The following ZNF804B variants were observed in gnomAD, a reference collection of about 807,000 sequenced individuals.
ZNF804B encodes zinc finger 804B.
A neutral mutation model predicts 101.4 loss-of-function variants in ZNF804B; 80 were observed. That is an observed-to-expected ratio of 0.79 (90% CI 0.66 to 0.95). The LOEUF is 0.95. ZNF804B is among the 40% of genes least tolerant of loss of function. The pLI is 0.00. For synonymous variants in ZNF804B, 622 were observed against 558.8 expected, an observed-to-expected ratio of 1.11 and a Z score of -1.59; for missense variants, 1,673 against 1,561.9, an observed-to-expected ratio of 1.07 and a Z score of -1.20.
intron 1 of ZNF804B, among the ~76,000 whole-genome samples, chr7:89,196,300 A>C (rs964129914): frequency 7.9e-5 from 12 of 151,860 alleles, no homozygotes; most frequent in African/African-American, 2.9e-4. Flanking sequence ...AATGGAACAG[A>C]ATAGAGAATT....
At chr7:88,962,708 C>CATAT (rs71120046) in intron 1 of ZNF804B, among the ~76,000 whole-genome samples, 8,297 of 82,754 alleles carry the variant, frequency 0.1, 465 homozygotes, top group Non-Finnish European at 0.12. Context: ...GTTAAACTCA[C>CATAT]ATATATATAT....
chr7:89,213,254 T>A (rs1467965874), intron 1 of ZNF804B, among the ~76,000 whole-genome samples: 6 of 152,158 alleles, frequency 3.9e-5, no homozygotes, highest in African/African-American at 1.4e-4. Flanking sequence ...AGCCACTTGA[T>A]TGGAAGAGGG....
Position 89,176,812 on chromosome 7 carries a change from A to G in ZNF804B, c.109-41343A>G, listed in dbSNP as rs139127840. 4.6e-5 allele frequency among the ~76,000 whole-genome samples: 7 copies of G among 151,398 alleles called. 1 individual carries two copies. The East Asian group carries it at 1.4e-3, about 29-fold the overall frequency. On this transcript the variant is annotated intron_variant, in intron 1 of 3. Coordinates refer to ENST00000333190, the MANE Select transcript of ZNF804B (RefSeq NM_181646.5). Reference sequence around the variant, plus strand: ...GACTTTTTATTACAGCCTTGATCTCATTATTTGTTATTCATCTTCTCAGGT... The same window carrying G: ...GACTTTTTATTACAGCCTTGATCTCGTTATTTGTTATTCATCTTCTCAGGT...
intron 2 of ZNF804B, among the ~76,000 whole-genome samples, chr7:89,221,938 T>A (rs1053489699): frequency 4.6e-5 from 7 of 151,920 alleles, no homozygotes; most frequent in Non-Finnish European, 8.8e-5. Context: ...GTAATCTAAA[T>A]GAGGAGAAGA....
chr7:89,194,912 C>T (rs1040036546), intron 1 of ZNF804B, among the ~76,000 whole-genome samples: 5 of 152,192 alleles, frequency 3.3e-5, no homozygotes, highest in Admixed American at 2.0e-4. Flanking sequence ...GCAGTATGGC[C>T]ATTTTCATGA....
intron 1 of ZNF804B, among the ~76,000 whole-genome samples, chr7:88,870,079 G>C (rs1406588344): frequency 6.6e-6 from 1 of 152,138 alleles, no homozygotes; most frequent in Non-Finnish European, 1.5e-5. Context: ...GCTGCCAACT[G>C]TCACCATTAG....
At chr7:89,161,016 T>C (rs1242409038) in intron 1 of ZNF804B, among the ~76,000 whole-genome samples, 2 of 152,112 alleles carry the variant, frequency 1.3e-5, no homozygotes. Context: ...GCTGAACATT[T>C]TCCCAGGACA....
chr7:88,962,708 C>CATATATATATAT (rs71120046), intron 1 of ZNF804B, among the ~76,000 whole-genome samples: 83 of 84,146 alleles, frequency 9.9e-4, no homozygotes, highest in South Asian at 2.4e-3. Flanking sequence ...GTTAAACTCA[C>CATATATATATAT]ATATATATAT....
rs1791095233 is a variant in ZNF804B, at chr7:89,336,542, C to A, written c.3560C>A (p.Thr1187Asn). ...CGAGTTTTGCCTGCTGCAGGGCCTA[C>A]TGCCTTCTCTCCGGCCTCAACCGTA... ...HLRVLPAAGP[T>N]AFSPASTVQT... The change falls in exon 4 of 4, where the codon ACT (threonine) becomes AAT (asparagine). Residue 1187 changes from threonine to asparagine, a missense_variant. Thr to Asn is a moderately conservative substitution (Grantham distance 65). Coordinates refer to ENST00000333190, the MANE Select transcript of ZNF804B (RefSeq NM_181646.5). 6.2e-7 allele frequency: 1 copy of A among 1,614,116 alleles called. No individual in the cohort carries two copies. The highest frequency in any genetic ancestry group is 8.5e-7 in the Non-Finnish European group (1 of 1,180,016).
intron 1 of ZNF804B, among the ~76,000 whole-genome samples, chr7:88,888,621 T>C (rs1792169501): frequency 6.6e-6 from 1 of 152,168 alleles, no homozygotes; most frequent in African/African-American, 2.4e-5. Flanking sequence ...TCAGACAATA[T>C]TGAAAAATTG....
At chr7:89,104,186 G>T (rs1020813270) in intron 1 of ZNF804B, among the ~76,000 whole-genome samples, 1 of 151,896 alleles carries the variant, frequency 6.6e-6, no homozygotes, top group Non-Finnish European at 1.5e-5. Context: ...TTGGCCTGTA[G>T]TTGTCTTTTT....
chr7:89,070,558 G>A (rs1177005193), intron 1 of ZNF804B, among the ~76,000 whole-genome samples: 2 of 152,102 alleles, frequency 1.3e-5, no homozygotes, highest in African/African-American at 4.8e-5. Flanking sequence ...AGTTAACTAA[G>A]TTCTCTGAGG....
At chr7:89,257,091 A>C (rs1299224274) in intron 2 of ZNF804B, among the ~76,000 whole-genome samples, 1 of 152,216 alleles carries the variant, frequency 6.6e-6, no homozygotes, top group African/African-American at 2.4e-5. Flanking sequence ...AAAATGGCTC[A>C]TTAAAGAACA....
chr7:89,183,627 G>A (rs548268762), intron 1 of ZNF804B, among the ~76,000 whole-genome samples: 7 of 152,260 alleles, frequency 4.6e-5, no homozygotes, highest in African/African-American at 1.4e-4. Flanking sequence ...TTCAGGTAGA[G>A]CAAATCTTAG....
chr7:89,090,455 ATGTT>A (rs761725084), intron 1 of ZNF804B, among the ~76,000 whole-genome samples: 61 of 152,218 alleles, frequency 4.0e-4, no homozygotes, highest in Admixed American at 8.5e-4. Flanking sequence ...AAATAGTACA[ATGTT>A]TGGCACAAAG....
At chr7:88,903,617 G>A (rs1314362873) in intron 1 of ZNF804B, among the ~76,000 whole-genome samples, 1 of 152,080 alleles carries the variant, frequency 6.6e-6, no homozygotes, top group African/African-American at 2.4e-5. Context: ...GCCAGCATCT[G>A]TTATTTTTTG....
rs554995792 is a variant in ZNF804B, at chr7:88,767,715, G to A, written c.108+7631G>A. On this transcript the variant is annotated intron_variant, in intron 1 of 3. Coordinates refer to ENST00000333190, the MANE Select transcript of ZNF804B (RefSeq NM_181646.5). ...ATCCTTGAATAATATTTTAAGTGTA[G>A]GTGCATGATCCAGCCTTCACCTACA... Among the ~76,000 whole-genome samples, 6 of 152,318 alleles carry A rather than the reference G, an allele frequency of 3.9e-5. No homozygotes were observed. The South Asian group carries it at 1.2e-3, about 32-fold the overall frequency.
intron 1 of ZNF804B, among the ~76,000 whole-genome samples, chr7:88,846,204 G>A (rs1791370943): frequency 6.6e-6 from 1 of 152,174 alleles, no homozygotes; most frequent in African/African-American, 2.4e-5. Context: ...AGCATTATTT[G>A]CAATATGATT....
At chr7:88,794,848 T>C in intron 1 of ZNF804B, 1 of 1,613,688 alleles carries the variant, frequency 6.2e-7, no homozygotes, top group Admixed American at 1.7e-5. Context: ...TTCTTGAAAG[T>C]GCAGGTAATT....
Sources: allele counts gnomAD v4.1 joint callset (sites outside exome capture counted in the v4.1 genomes callset), GRCh38; gene constraint gnomAD v4.1.1; transcripts MANE v1.5; gene names NCBI Gene and HGNC (gene_info 2026-07-23, HGNC 2026-07-21).